The following MPDZ variants were observed in gnomAD, a reference collection of about 807,000 sequenced individuals.
The protein encoded by MPDZ is multiple PDZ domain crumbs cell polarity complex component.
A neutral mutation model predicts 239.1 loss-of-function variants in MPDZ; 234 were observed. The ratio of observed to expected loss-of-function variants is 0.98; its 90% CI spans 0.88 to 1.09. The LOEUF (loss-of-function observed/expected upper bound fraction) is 1.09. Among genes scored for constraint, MPDZ ranks in the 50% least tolerant of loss-of-function variants. The probability of loss-of-function intolerance (pLI) is 0.00; values close to 1 mark genes in which losing one functional copy is unlikely to be tolerated. For synonymous variants in MPDZ, 1,048 were observed against 881.3 expected, an observed-to-expected ratio of 1.19 and a Z score of -3.35; for missense variants, 3,175 against 2,510.0, an observed-to-expected ratio of 1.26 and a Z score of -5.66.
intron 18 of MPDZ, 32 bp downstream of exon 18, chr9:13,186,238 G>C: frequency 2.3e-6 from 3 of 1,316,224 alleles, no homozygotes; most frequent in East Asian, 2.6e-5. Flanking sequence ...TCAGGTTTCT[G>C]AAAGAAAGCT....
In MPDZ at chr9:13,203,883, T is replaced by C. The variant is rs561983390; in HGVS notation, c.1546+1153A>G. On this transcript the variant is annotated intron_variant, in intron 12 of 46. Coordinates refer to ENST00000319217, the MANE Select transcript of MPDZ (RefSeq NM_001378778.1). Reference sequence around the variant, plus strand: ...CTCCCACACCCATGCCCACTTAATATCACAAGTATCATGCTCTAAACAATT... The same window carrying C: ...CTCCCACACCCATGCCCACTTAATACCACAAGTATCATGCTCTAAACAATT... Among the ~76,000 whole-genome samples the C allele has an allele frequency of 1.6e-3, 238 of 152,140 alleles. 2 individuals carry two copies. Among genetic ancestry groups the C allele is most frequent in the Non-Finnish European group, 1.8e-3 (121 of 67,996 alleles).
At chr9:13,255,591 C>G (rs745572077) in intron 1 of MPDZ, among the ~76,000 whole-genome samples, 1 of 152,160 alleles carries the variant, frequency 6.6e-6, no homozygotes, top group Non-Finnish European at 1.5e-5. Flanking sequence ...GACATGAAAA[C>G]AACATTCATC....
intron 14 of MPDZ, among the ~76,000 whole-genome samples, chr9:13,192,512 A>T (rs1343168155): frequency 1.3e-5 from 2 of 152,168 alleles, no homozygotes; most frequent in Admixed American, 6.6e-5. Flanking sequence ...AAGAAAAACC[A>T]CTAGCTTTCA....
chr9:13,166,984 G>A lies in MPDZ; in HGVS notation c.3254+1382C>T, dbSNP rs572510772. 2.0e-5 allele frequency among the ~76,000 whole-genome samples: 3 copies of A among 152,212 alleles called. No homozygotes were observed. The South Asian group carries it at 6.2e-4, about 32-fold the overall frequency. On this transcript the variant is annotated intron_variant, in intron 22 of 46. Transcript: ENST00000319217. Reference sequence around the variant, plus strand: ...GCTAGTACCAAGTACTAATTCTGGTGATCAGAATGCCAAAAAGTGGGCAGC... The same window carrying A: ...GCTAGTACCAAGTACTAATTCTGGTAATCAGAATGCCAAAAAGTGGGCAGC...
intron 19 of MPDZ, among the ~76,000 whole-genome samples, chr9:13,182,376 CATA>C (rs1475825868): frequency 6.6e-6 from 1 of 152,074 alleles, no homozygotes; most frequent in African/African-American, 2.4e-5. Flanking sequence ...TCTCTTTCCT[CATA>C]ATATGTTATA....
intron 5 of MPDZ, among the ~76,000 whole-genome samples, 183 bp downstream of exon 5, chr9:13,223,388 C>T (rs1959410014): frequency 6.6e-6 from 1 of 152,028 alleles, no homozygotes; most frequent in African/African-American, 2.4e-5. Context: ...CTAAAAGCTA[C>T]TCTCATTTCA....
At chr9:13,244,314 T>G (rs958240325) in intron 3 of MPDZ, among the ~76,000 whole-genome samples, 2 of 152,198 alleles carry the variant, frequency 1.3e-5, no homozygotes, top group Admixed American at 1.3e-4. Flanking sequence ...AATAGCTGGA[T>G]TTTTGTCATG....
intron 4 of MPDZ, 139 bp from the exon 5 acceptor site, chr9:13,223,849 T>C (rs1959633047): frequency 1.3e-6 from 1 of 793,056 alleles, no homozygotes; most frequent in South Asian, 2.3e-5. Context: ...CTGGGCTACA[T>C]AATGTGACCC....
intron 3 of MPDZ, among the ~76,000 whole-genome samples, chr9:13,232,919 A>G (rs941926694): frequency 6.6e-6 from 1 of 151,692 alleles, no homozygotes; most frequent in Non-Finnish European, 1.5e-5. Context: ...CAAATGACCA[A>G]TCCCATATGG....
At chr9:13,180,922 G>T (rs1466874343) in intron 19 of MPDZ, among the ~76,000 whole-genome samples, 2 of 152,116 alleles carry the variant, frequency 1.3e-5, no homozygotes, top group Non-Finnish European at 2.9e-5. Flanking sequence ...GTGAGGAAGA[G>T]CCCCAACATA....
intron 21 of MPDZ, among the ~76,000 whole-genome samples, chr9:13,173,842 C>T (rs1952111302): frequency 6.6e-6 from 1 of 152,116 alleles, no homozygotes; most frequent in African/African-American, 2.4e-5. Flanking sequence ...CACAAATCTG[C>T]TCATGTCACT....
At chr9:13,208,033 T>C (rs138203648) in intron 10 of MPDZ, among the ~76,000 whole-genome samples, 26 of 152,344 alleles carry the variant, frequency 1.7e-4, no homozygotes, top group Admixed American at 6.5e-4. Context: ...TTTCCAAGCA[T>C]AGTGGGGCCA....
At chr9:13,149,408 T>C (rs563502177) in intron 25 of MPDZ, among the ~76,000 whole-genome samples, 1 of 152,220 alleles carries the variant, frequency 6.6e-6, no homozygotes, top group African/African-American at 2.4e-5. Context: ...AAAGTAAATA[T>C]AATGGTCATT....
chr9:13,264,703 G>T (rs1425400349), intron 1 of MPDZ, among the ~76,000 whole-genome samples: 1 of 150,724 alleles, frequency 6.6e-6, no homozygotes, highest in East Asian at 1.9e-4. Context: ...GGGAACTATG[G>T]ATTCTAACAC....
Position 13,205,909 on chromosome 9 carries a change from G to C in MPDZ, c.1474+7C>G, listed in dbSNP as rs564948295. On this transcript the variant is annotated splice_region_variant and intron_variant, in intron 11 of 46. Transcript: ENST00000319217. ...TCTAACTAAAAACCAGATTAACATAGGATTACCTTTGATTATGCTGGCATT... is the reference window on the plus strand; with the variant it reads ...TCTAACTAAAAACCAGATTAACATACGATTACCTTTGATTATGCTGGCATT... 4 of 1,576,182 alleles carry C rather than the reference G, an allele frequency of 2.5e-6. No individual in the cohort carries two copies. Among genetic ancestry groups the C allele is most frequent in the Non-Finnish European group, 2.6e-6 (3 of 1,162,806 alleles).
intron 1 of MPDZ, among the ~76,000 whole-genome samples, chr9:13,252,468 A>G (rs1003437951): frequency 3.3e-5 from 5 of 151,496 alleles, no homozygotes; most frequent in Non-Finnish European, 5.9e-5. Flanking sequence ...CAGGAGTCTG[A>G]GACAGGAGAA....
At chr9:13,171,497 A>G (rs1951777391) in intron 21 of MPDZ, among the ~76,000 whole-genome samples, 1 of 152,120 alleles carries the variant, frequency 6.6e-6, no homozygotes, top group Non-Finnish European at 1.5e-5. Context: ...TCTGTATCTA[A>G]TCAGTGAAGG....
intron 2 of MPDZ, among the ~76,000 whole-genome samples, chr9:13,248,600 G>A (rs1966960636): frequency 1.3e-5 from 2 of 151,984 alleles, no homozygotes; most frequent in Non-Finnish European, 2.9e-5. Flanking sequence ...AGACTGTTCA[G>A]ATGTATTACT....
chr9:13,135,550 T>A (rs960845125), intron 31 of MPDZ: 1 of 152,198 alleles, frequency 6.6e-6, no homozygotes, highest in African/African-American at 2.4e-5. Flanking sequence ...TAAACATTTC[T>A]CATTCTTTGA....
Sources: allele counts gnomAD v4.1 joint callset (sites outside exome capture counted in the v4.1 genomes callset), GRCh38; gene constraint gnomAD v4.1.1; transcripts MANE v1.5; gene names NCBI Gene and HGNC (gene_info 2026-07-23, HGNC 2026-07-21).